CFAP44: variants seen among roughly 807,000 people sequenced by gnomAD.
CFAP44 encodes the protein cilia- and flagella-associated protein 44.
A neutral mutation model predicts 216.2 loss-of-function variants in CFAP44; 134 were observed. The observed-to-expected ratio is 0.62, with a 90% confidence interval of 0.54 to 0.72. The LOEUF (loss-of-function observed/expected upper bound fraction) is 0.72. CFAP44 is among the 30% of genes least tolerant of loss of function. The pLI is 0.00. For synonymous variants in CFAP44, 700 were observed against 727.6 expected, an observed-to-expected ratio of 0.96 and a Z score of 0.61; for missense variants, 2,035 against 2,182.1, an observed-to-expected ratio of 0.93 and a Z score of 1.34.
At chr3:113,337,972 A>G (rs1427790791) in intron 24 of CFAP44, among the ~76,000 whole-genome samples, 2 of 152,044 alleles carry the variant, frequency 1.3e-5, no homozygotes, top group Non-Finnish European at 2.9e-5. Context: ...AAAACTCTCT[A>G]ATAAGGGAGG....
intron 33 of CFAP44, among the ~76,000 whole-genome samples, 163 bp downstream of exon 33, chr3:113,296,562 C>T (rs1390501625): frequency 6.6e-6 from 1 of 152,100 alleles, no homozygotes; most frequent in Non-Finnish European, 1.5e-5. Context: ...ACTAAGTGAA[C>T]AGTAAAGAAG....
At chr3:113,382,621 T>C (rs1467147684) in intron 15 of CFAP44, among the ~76,000 whole-genome samples, 1 of 152,018 alleles carries the variant, frequency 6.6e-6, no homozygotes, top group South Asian at 2.1e-4. Context: ...TAAATTTCTA[T>C]GACAGAAAAG....
At position 113,296,760 on chromosome 3, in the gene CFAP44, C is replaced by T; in HGVS notation, c.5203G>A (p.Glu1735Lys). Residue 1735 changes from glutamate to lysine, a missense_variant, in exon 33 of 35, where the codon GAG (glutamate) becomes AAG (lysine). Glu to Lys is a moderately conservative substitution (Grantham distance 56). This residue lies in a region of CFAP44 where 1,883 missense variants were observed against 2,023.7 expected (regional missense o/e 0.93). Coordinates refer to ENST00000393845, the MANE Select transcript of CFAP44 (RefSeq NM_001164496.2). ...TTCATCTCTTTCGCATTTGCTAGCT[C>T]CTTTCGAAGTTTTCTGATCTTCAGT... Reference protein sequence around the residue: ...EELKIRKLRKELANAKEMKMW... With the variant: ...EELKIRKLRKKLANAKEMKMW... 1 of 1,537,808 alleles carries T rather than the reference C, an allele frequency of 6.5e-7. No homozygotes were observed. The highest frequency in any genetic ancestry group is 8.7e-7 in the Non-Finnish European group (1 of 1,147,012).
At chr3:113,384,682 C>T (rs1332765881) in intron 15 of CFAP44, among the ~76,000 whole-genome samples, 1 of 152,180 alleles carries the variant, frequency 6.6e-6, no homozygotes, top group African/African-American at 2.4e-5. Flanking sequence ...AATCTACCAA[C>T]ACCTTGATTT....
chr3:113,296,905 G>A lies in CFAP44; in HGVS notation c.5078-20C>T. The A allele has an allele frequency of 1.3e-6, 2 of 1,537,172 alleles. No individual in the cohort carries two copies. Among genetic ancestry groups the A allele is most frequent in the African/African-American group, 2.7e-5 (2 of 73,152 alleles). On this transcript the variant is annotated intron_variant, in intron 32 of 34. Transcript: ENST00000393845. The stretch of plus-strand genomic sequence containing the variant: ...CCATTTCTAAAAGAAGACAGTCACT[G>A]GCTCAGGTTGTTCAATGGCTCCCAT...
At chr3:113,422,963 C>T (rs765218045) in intron 4 of CFAP44, among the ~76,000 whole-genome samples, 69 of 152,112 alleles carry the variant, frequency 4.5e-4, no homozygotes, top group Non-Finnish European at 8.8e-4. Context: ...TAAATTACAA[C>T]TTACTGAGGG....
chr3:113,411,406 C>CAGG (rs1934468325), intron 6 of CFAP44, among the ~76,000 whole-genome samples: 1 of 152,094 alleles, frequency 6.6e-6, no homozygotes, highest in East Asian at 1.9e-4. Context: ...ATAGGGAATC[C>CAGG]TTTCCCCATT....
intron 28 of CFAP44, among the ~76,000 whole-genome samples, chr3:113,308,777 T>A (rs1168184358): frequency 6.6e-6 from 1 of 151,946 alleles, no homozygotes; most frequent in African/African-American, 2.4e-5. Flanking sequence ...TTTGTTTGTT[T>A]GTTTGTTTTG....
rs1349511378 is a variant in CFAP44 at position 113,366,112 on chromosome 3, T to A, written c.2642A>T (p.Asn881Ile). 1.9e-6 allele frequency: 3 copies of A among 1,614,006 alleles called. No individual in the cohort carries two copies. Among genetic ancestry groups the A allele is most frequent in the Non-Finnish European group, 1.7e-6 (2 of 1,179,960 alleles). ...RFLVTAGADG[N>I]IFVFNIFSEF... ...AGAAAAAATGTTGAAAACAAAGATA[T>A]TGCCATCTGCTCCAGCAGTCACCAA... Residue 881 changes from asparagine to isoleucine, a missense_variant, in exon 19 of 35, where the codon AAT (asparagine) becomes ATT (isoleucine). Asn to Ile is a moderately radical substitution (Grantham distance 149). This residue lies in a region of CFAP44 where 1,883 missense variants were observed against 2,023.7 expected (regional missense o/e 0.93). Transcript: ENST00000393845.
At chr3:113,413,451 A>T (rs1934548335) in intron 6 of CFAP44, among the ~76,000 whole-genome samples, 1 of 152,120 alleles carries the variant, frequency 6.6e-6, no homozygotes, top group African/African-American at 2.4e-5. Flanking sequence ...GCCCATGCCT[A>T]TGTCCTGAAT....
At chr3:113,398,508 C>T (rs774699835) in intron 13 of CFAP44, among the ~76,000 whole-genome samples, 13 of 152,156 alleles carry the variant, frequency 8.5e-5, no homozygotes, top group East Asian at 3.8e-4. Context: ...GAACATTACA[C>T]GATCATCTGA....
chr3:113,376,898 A>G (rs1245502344), intron 17 of CFAP44, among the ~76,000 whole-genome samples: 7 of 152,234 alleles, frequency 4.6e-5, no homozygotes, highest in Non-Finnish European at 7.3e-5. Flanking sequence ...CAGGAGACCA[A>G]GTGGTTTATC....
chr3:113,422,927 T>C (rs987438543), intron 4 of CFAP44, among the ~76,000 whole-genome samples: 1 of 152,148 alleles, frequency 6.6e-6, no homozygotes, highest in Non-Finnish European at 1.5e-5. Context: ...ATGGATCAGA[T>C]TGTAACTTCT....
chr3:113,304,940 A>G, intron 31 of CFAP44, 96 bp downstream of exon 31: 1 of 1,080,960 alleles, frequency 9.3e-7, no homozygotes, highest in Non-Finnish European at 1.3e-6. Context: ...AAGAACCACG[A>G]TTCTCCCCAT....
intron 13 of CFAP44, 117 bp downstream of exon 13, chr3:113,399,789 A>C (rs1214075665): frequency 1.6e-6 from 1 of 635,796 alleles, no homozygotes; most frequent in African/African-American, 1.9e-5. Flanking sequence ...AACTAACTTA[A>C]AACTTTTATT....
Position 113,368,483 on chromosome 3 carries a change from T to C in CFAP44, c.2445-2174A>G, listed in dbSNP as rs183902340. 6.6e-5 allele frequency among the ~76,000 whole-genome samples: 10 copies of C among 152,210 alleles called. No homozygotes were observed. In the East Asian group the frequency reaches 1.9e-3, roughly 29 times the overall value. The stretch of plus-strand genomic sequence containing the variant: ...TTTCAACACAGAATTTCATATCCAG[T>C]CAAACTAAGCTTCATCAGTGAAGGA... On this transcript the variant is annotated intron_variant, in intron 18 of 34. Transcript: ENST00000393845.
At chr3:113,408,003 T>C (rs146289673) in intron 7 of CFAP44, among the ~76,000 whole-genome samples, 1 of 152,244 alleles carries the variant, frequency 6.6e-6, no homozygotes, top group East Asian at 1.9e-4. Context: ...ATATAAGAAA[T>C]TGGAAAATTT....
intron 22 of CFAP44, among the ~76,000 whole-genome samples, chr3:113,348,273 T>C (rs1169065390): frequency 5.9e-5 from 9 of 152,054 alleles, no homozygotes; most frequent in African/African-American, 2.2e-4. Flanking sequence ...ATCAACAGGC[T>C]CACCCTTGAA....
chr3:113,366,384 T>G, intron 18 of CFAP44, 75 bp from the exon 19 acceptor site: 5 of 1,514,276 alleles, frequency 3.3e-6, no homozygotes, highest in African/African-American at 1.4e-5. Flanking sequence ...AATTGACAAG[T>G]GGCTAAATTA....
Sources: gnomAD v4.1 joint callset for allele counts (sites outside exome capture counted in the v4.1 genomes callset) on GRCh38, gnomAD v4.1.1 for gene constraint, gnomAD v4.1.1 regional missense constraint, MANE v1.5 for transcripts, NCBI Gene and HGNC (gene_info 2026-07-23, HGNC 2026-07-21) for gene names.